EPC2: variants seen among roughly 807,000 people sequenced by gnomAD.
EPC2 encodes the protein enhancer of polycomb 2.
A neutral mutation model predicts 92.1 loss-of-function variants in EPC2; 14 were observed. The observed-to-expected ratio is 0.15, with a 90% confidence interval of 0.10 to 0.24. The LOEUF (loss-of-function observed/expected upper bound fraction) is 0.24. Among genes scored for constraint, EPC2 ranks in the 10% least tolerant of loss-of-function variants. The pLI is 1.00. For missense variants in EPC2, 755 were observed against 971.5 expected, an observed-to-expected ratio of 0.78 and a Z score of 2.96; for synonymous variants, 340 against 334.7, an observed-to-expected ratio of 1.02 and a Z score of -0.17.
Position 148,762,724 on chromosome 2 carries a change from A to T in EPC2, c.870A>T (p.Arg290Ser). 2 of 1,610,828 alleles carry T rather than the reference A, an allele frequency of 1.2e-6. No homozygotes were observed. Among genetic ancestry groups the T allele is most frequent in the East Asian group, 4.5e-5 (2 of 44,694 alleles). ...TCCTTAATGAAGTAAAAATCAGTAG[A>T]TCAGAAAAAGAGTTATATGCCACTC... is the stretch of plus-strand genomic sequence containing the variant. The part of the protein sequence containing the change: ...GEILNEVKIS[R>S]SEKELYATPA... The change falls in exon 6 of 14, where the codon AGA becomes AGT. Residue 290 changes from arginine (R) to serine (S), a missense_variant. By Grantham distance (110) the Arg-to-Ser change is moderately radical. Around this residue, in one of 4 missense-constraint regions of EPC2, gnomAD observed 509 missense variants for 607.7 expected, o/e 0.84. Coordinates refer to ENST00000258484, the MANE Select transcript of EPC2 (RefSeq NM_015630.4).
intron 1 of EPC2, among the ~76,000 whole-genome samples, chr2:148,655,270 G>T (rs1680767880): frequency 6.6e-6 from 1 of 152,174 alleles, no homozygotes; most frequent in South Asian, 2.1e-4. Flanking sequence ...ATTGGCATCT[G>T]ATTTGAGAAT....
chr2:148,683,629 G>C (rs1483222877), intron 1 of EPC2, among the ~76,000 whole-genome samples: 1 of 152,114 alleles, frequency 6.6e-6, no homozygotes, highest in African/African-American at 2.4e-5. Flanking sequence ...ATAATAACGT[G>C]ATGTTTGGTT....
Position 148,681,218 on chromosome 2 carries a change from A to G in EPC2, c.154-8996A>G, listed in dbSNP as rs149408089. The stretch of plus-strand genomic sequence containing the variant: ...ATAAACGTCCACTTCTGAGAAGCCT[A>G]TGCTGGAAAGGTGTGTGTTTCCGAG... On this transcript the variant is annotated intron_variant, in intron 1 of 13. Transcript: ENST00000258484. Among the ~76,000 whole-genome samples the G allele has an allele frequency of 6.4e-4, 97 of 152,342 alleles. 1 individual carries two copies. Among genetic ancestry groups the G allele is most frequent in the African/African-American group, 2.2e-3 (91 of 41,580 alleles).
At chr2:148,728,076 A>G (rs1284222039) in intron 2 of EPC2, among the ~76,000 whole-genome samples, 1 of 152,094 alleles carries the variant, frequency 6.6e-6, no homozygotes, top group African/African-American at 2.4e-5. Flanking sequence ...TGCAGCCTCA[A>G]CTTTCTGCAC....
At chr2:148,754,271 C>T (rs1361982031) in intron 4 of EPC2, 138 bp downstream of exon 4, 20 of 728,320 alleles carry the variant, frequency 2.7e-5, no homozygotes, top group Middle Eastern at 4.0e-4. Context: ...TCCTACTTTT[C>T]GTCTGATCCG....
At chr2:148,655,849 A>G (rs1056441827) in intron 1 of EPC2, among the ~76,000 whole-genome samples, 3 of 151,990 alleles carry the variant, frequency 2.0e-5, no homozygotes, top group Non-Finnish European at 2.9e-5. Context: ...TTATTTTCAC[A>G]TTTAGCACAT....
Position 148,781,629 on chromosome 2 carries a change from C to G in EPC2, c.1721-15C>G. 1 of 1,601,520 alleles carries G rather than the reference C, an allele frequency of 6.2e-7. No homozygotes were observed. The highest frequency in any genetic ancestry group is 1.1e-5 in the South Asian group (1 of 88,610). On this transcript the variant is annotated splice_polypyrimidine_tract_variant and intron_variant, in intron 10 of 13. Coordinates refer to ENST00000258484, the MANE Select transcript of EPC2 (RefSeq NM_015630.4). ...TTAAAACGTACTCATTTCCAAAATT[C>G]ATGTTCTTTACCAGTAACAGGGGGT...
chr2:148,696,144 A>G (rs138804933), intron 2 of EPC2, among the ~76,000 whole-genome samples: 237 of 152,354 alleles, frequency 1.6e-3, no homozygotes, highest in Non-Finnish European at 2.5e-3. Flanking sequence ...CTCCAAACCT[A>G]GAAGATAATA....
Position 148,683,649 on chromosome 2 carries a change from C to T in EPC2, c.154-6565C>T, listed in dbSNP as rs193168412. On this transcript the variant is annotated intron_variant, in intron 1 of 13. Transcript: ENST00000258484. ...AACGTGATGTTTGGTTTTCCATTCC[C>T]GAGTTACTTCATTTAGAATAATGGT... is the stretch of plus-strand genomic sequence containing the variant. Among the ~76,000 whole-genome samples, 468 of 152,252 alleles carry T rather than the reference C, an allele frequency of 3.1e-3. 1 individual carries two copies. The highest frequency in any genetic ancestry group is 3.4e-3 in the Non-Finnish European group (234 of 68,020).
At position 148,724,767 on chromosome 2, in the gene EPC2, A is replaced by G. The variant is rs150113781; in HGVS notation, c.314-18855A>G. 1.8e-3 allele frequency among the ~76,000 whole-genome samples: 280 copies of G among 152,224 alleles called. 3 individuals carry two copies. The highest frequency in any genetic ancestry group is 0.017 in the Middle Eastern group (5 of 294). On this transcript the variant is annotated intron_variant, in intron 2 of 13. Coordinates refer to ENST00000258484, the MANE Select transcript of EPC2 (RefSeq NM_015630.4). Reference sequence around the variant, plus strand: ...TCTAGTGAATTTTTAGTCATTGATGATATTGAAGCAGGAACTGTTGATAGA... The same window carrying G: ...TCTAGTGAATTTTTAGTCATTGATGGTATTGAAGCAGGAACTGTTGATAGA...
intron 1 of EPC2, among the ~76,000 whole-genome samples, chr2:148,662,342 A>T (rs959866452): frequency 6.6e-6 from 1 of 152,248 alleles, no homozygotes; most frequent in Admixed American, 6.5e-5. Flanking sequence ...ATTATAAATC[A>T]TGCTGCTATA....
intron 2 of EPC2, chr2:148,692,016 T>C (rs1031193126): frequency 5.8e-6 from 2 of 343,750 alleles, no homozygotes; most frequent in Non-Finnish European, 5.6e-6. Context: ...TCATATTCTC[T>C]AGTATGAATA....
intron 2 of EPC2, among the ~76,000 whole-genome samples, chr2:148,735,199 G>C (rs1164759141): frequency 6.6e-6 from 1 of 151,952 alleles, no homozygotes; most frequent in African/African-American, 2.4e-5. Context: ...CTTATAAAAA[G>C]TACATGTTTA....
intron 2 of EPC2, among the ~76,000 whole-genome samples, chr2:148,729,080 T>C (rs1018698788): frequency 1.3e-5 from 2 of 151,652 alleles, no homozygotes; most frequent in East Asian, 1.9e-4. Flanking sequence ...TGTTTTCTTT[T>C]TGTTACATAT....
At position 148,645,094 on chromosome 2, in the gene EPC2, C is replaced by T; in HGVS notation, c.77C>T (p.Pro26Leu). The change falls in exon 1 of 14, where the codon CCT becomes CTT. Residue 26 changes from proline (P) to leucine (L), a missense_variant. Around this residue, in one of 4 missense-constraint regions of EPC2, gnomAD observed 36 missense variants for 84.0 expected, o/e 0.43. Coordinates refer to ENST00000258484, the MANE Select transcript of EPC2 (RefSeq NM_015630.4). The stretch of plus-strand genomic sequence containing the variant: ...CCTATCTACCGCGGCAAGGACATGC[C>T]TGATCTCAACGACTGCGTCTCCATC... ...PLPIYRGKDM[P>L]DLNDCVSINR... The T allele has an allele frequency of 6.3e-7, 1 of 1,599,524 alleles. No homozygotes were observed. Among genetic ancestry groups the T allele is most frequent in the Non-Finnish European group, 8.5e-7 (1 of 1,172,528 alleles).
intron 1 of EPC2, among the ~76,000 whole-genome samples, chr2:148,654,679 CAA>C (rs1680754358): frequency 6.6e-6 from 1 of 152,104 alleles, no homozygotes; most frequent in African/African-American, 2.4e-5. Flanking sequence ...AACAAACAAA[CAA>C]AAAGAGAGAG....
At chr2:148,750,976 A>T (rs10194720) in intron 3 of EPC2, among the ~76,000 whole-genome samples, 96,033 of 151,944 alleles carry the variant, frequency 0.63, 32,912 homozygotes, top group Non-Finnish European at 0.79. Flanking sequence ...ATCTTATTAC[A>T]GTAATGCTCA....
intron 4 of EPC2, among the ~76,000 whole-genome samples, chr2:148,759,744 C>G (rs974876183): frequency 2.0e-5 from 3 of 152,080 alleles, no homozygotes; most frequent in East Asian, 1.9e-4. Flanking sequence ...TATACACATA[C>G]AGAGAGATAA....
rs1455161400 is a variant in EPC2, at chr2:148,690,234, A to G, written c.174A>G (p.Ala58=). The change falls in exon 2 of 14, where the codon GCA becomes GCG. Residue 58 remains alanine (A), a synonymous_variant. Coordinates refer to ENST00000258484, the MANE Select transcript of EPC2 (RefSeq NM_015630.4). The part of the protein sequence containing the change: ...EEESEHHLQR[A]ISAQQVFREK... Reference sequence around the variant, plus strand: ...TCCAGGAACATCATTTACAGCGAGCAATTTCAGCACAGCAAGTGTTTAGAG... The same window carrying G: ...TCCAGGAACATCATTTACAGCGAGCGATTTCAGCACAGCAAGTGTTTAGAG... 3 of 1,601,778 alleles carry G rather than the reference A, an allele frequency of 1.9e-6. No homozygotes were observed. The highest frequency in any genetic ancestry group is 2.7e-5 in the African/African-American group (2 of 74,308).
Sources: gnomAD v4.1 joint callset for allele counts (sites outside exome capture counted in the v4.1 genomes callset) on GRCh38, gnomAD v4.1.1 for gene constraint, gnomAD v4.1.1 regional missense constraint, MANE v1.5 for transcripts, NCBI Gene and HGNC (gene_info 2026-07-23, HGNC 2026-07-21) for gene names.